PPP2R5C: variants seen among roughly 807,000 people sequenced by gnomAD.
The protein encoded by PPP2R5C is protein phosphatase 2 regulatory subunit B'gamma.
PPP2R5C carries 7 observed loss-of-function variants against 68.9 expected under a neutral mutation model. The ratio of observed to expected loss-of-function variants is 0.10; its 90% CI spans 0.06 to 0.19. The LOEUF (loss-of-function observed/expected upper bound fraction) is 0.19, where lower values mean the gene tolerates loss of function less well. Among genes scored for constraint, PPP2R5C ranks in the 10% least tolerant of loss-of-function variants. The pLI, the probability that PPP2R5C is intolerant of heterozygous loss-of-function variation, is 1.00. For missense variants in PPP2R5C, 348 were observed against 641.3 expected (o/e 0.54, Z 4.94); for synonymous variants, 210 against 222.2 (o/e 0.95, Z 0.49).
At chr14:101,775,034 C>T (rs960321350) in intron 2 of PPP2R5C, among the ~76,000 whole-genome samples, 2 of 152,140 alleles carry the variant, frequency 1.3e-5, no homozygotes, top group Non-Finnish European at 2.9e-5. Context: ...CTGTGGCTTC[C>T]CAGCCGCGGC....
At chr14:101,868,875 C>G (rs2043236361) in intron 2 of PPP2R5C, among the ~76,000 whole-genome samples, 1 of 152,112 alleles carries the variant, frequency 6.6e-6, no homozygotes. Context: ...TCTTCCGCAC[C>G]ACAGTCAGGA....
At chr14:101,857,354 TGAG>T (rs1056420844) in intron 2 of PPP2R5C, among the ~76,000 whole-genome samples, 1 of 152,178 alleles carries the variant, frequency 6.6e-6, no homozygotes, top group African/African-American at 2.4e-5. Context: ...GCTGATTGGC[TGAG>T]AAGGCCTCCA....
rs192989239 is a variant in PPP2R5C, at chr14:101,838,418, C to A, written c.95-18268C>A. On this transcript the variant is annotated intron_variant, in intron 1 of 13. Coordinates refer to ENST00000334743, the Ensembl canonical transcript of PPP2R5C. ...ATTTGTTAACTTTCTTAAATAATTT[C>A]AAAAGCATGGAAAAGTTGCAAGAAT... is the stretch of plus-strand genomic sequence containing the variant. Among the ~76,000 whole-genome samples the A allele has an allele frequency of 5.7e-3, 875 of 152,340 alleles. 5 individuals are homozygous for A. Among genetic ancestry groups the A allele is most frequent in the Non-Finnish European group, 8.7e-3 (589 of 68,026 alleles).
intron 2 of PPP2R5C, among the ~76,000 whole-genome samples, chr14:101,875,803 T>A (rs954002884): frequency 1.3e-5 from 2 of 152,242 alleles, no homozygotes; most frequent in African/African-American, 4.8e-5. Flanking sequence ...TACATTGCTC[T>A]GCGAAGTTCC....
intron 1 of PPP2R5C, among the ~76,000 whole-genome samples, chr14:101,847,975 T>G (rs1446494865): frequency 6.6e-6 from 1 of 152,128 alleles, no homozygotes. Context: ...CATGAGCCAC[T>G]GCGCCCGGCC....
intron 1 of PPP2R5C, among the ~76,000 whole-genome samples, chr14:101,814,966 G>T (rs981250050): frequency 9.9e-5 from 15 of 152,148 alleles, no homozygotes; most frequent in African/African-American, 2.9e-4. Context: ...CCAGTCCAGG[G>T]CTGTTGGCAG....
At position 101,769,567 on chromosome 14, in the gene PPP2R5C, G is replaced by A. The variant is rs554965114; in HGVS notation, c.93+6597G>A. Among the ~76,000 whole-genome samples, 10 of 152,252 alleles carry A rather than the reference G, an allele frequency of 6.6e-5. 1 individual carries two copies. Among genetic ancestry groups the A allele is most frequent in the Admixed American group, 1.3e-4 (2 of 15,292 alleles). ...GATCCAATAAGGGAACTCTAATGTA[G>A]AATTTTTATTCAGTGTAATTCATTT... On this transcript the variant is annotated intron_variant, in intron 2 of 14. Transcript: ENST00000328724.
At chr14:101,817,444 G>A (rs147491757) in intron 1 of PPP2R5C, among the ~76,000 whole-genome samples, 200 of 152,246 alleles carry the variant, frequency 1.3e-3, no homozygotes, top group Middle Eastern at 6.8e-3. Flanking sequence ...AGCCAGTGTT[G>A]GTCCTCTGGT....
At chr14:101,846,588 A>G (rs1453745452) in intron 1 of PPP2R5C, among the ~76,000 whole-genome samples, 1 of 152,222 alleles carries the variant, frequency 6.6e-6, no homozygotes, top group Non-Finnish European at 1.5e-5. Context: ...TTGTAGATAT[A>G]TAGAAGTATT....
intron 2 of PPP2R5C, among the ~76,000 whole-genome samples, chr14:101,784,658 A>G (rs1253149133): frequency 2.0e-5 from 3 of 152,192 alleles, no homozygotes. Context: ...TTACAATTTG[A>G]GATGAGATTT....
At chr14:101,911,649 A>G (rs1244295361) in intron 11 of PPP2R5C, among the ~76,000 whole-genome samples, 1 of 152,026 alleles carries the variant, frequency 6.6e-6, no homozygotes, top group Non-Finnish European at 1.5e-5. Context: ...TTGGGAGGTT[A>G]TGGCTGGTGG....
intron 11 of PPP2R5C, among the ~76,000 whole-genome samples, chr14:101,911,142 G>C (rs1412122087): frequency 6.6e-6 from 1 of 151,910 alleles, no homozygotes; most frequent in Admixed American, 6.6e-5. Flanking sequence ...GCCGGGTGTG[G>C]TGGCGGGTGC....
intron 2 of PPP2R5C, among the ~76,000 whole-genome samples, chr14:101,774,959 C>A (rs533965239): frequency 6.6e-6 from 1 of 152,302 alleles, no homozygotes; most frequent in African/African-American, 2.4e-5. Flanking sequence ...GATAAACAGA[C>A]GTGAGTGTAT....
exon 14 of PPP2R5C, chr14:101,925,541 AAGTC>A (rs973670136): frequency 7.6e-5 from 25 of 326,938 alleles, no homozygotes; most frequent in African/African-American, 2.8e-4. Flanking sequence ...CTATTTCACA[AAGTC>A]AGAGCGATAG....
At chr14:101,774,780 T>C (rs970143307) in intron 2 of PPP2R5C, among the ~76,000 whole-genome samples, 2 of 152,238 alleles carry the variant, frequency 1.3e-5, no homozygotes, top group African/African-American at 4.8e-5. Flanking sequence ...CCTGTTTTCC[T>C]TTATTTCTTC....
chr14:101,900,777 A>AT (rs1178113201), intron 8 of PPP2R5C, among the ~76,000 whole-genome samples: 1 of 152,222 alleles, frequency 6.6e-6, no homozygotes, highest in Non-Finnish European at 1.5e-5. Context: ...AACATCCACT[A>AT]TCCACAAACT....
At chr14:101,843,807 G>A (rs976980760) in intron 1 of PPP2R5C, 3 of 224,510 alleles carry the variant, frequency 1.3e-5, no homozygotes, top group Middle Eastern at 1.4e-3. Flanking sequence ...TCGCTTTCCA[G>A]ATATTCTGAA....
At chr14:101,827,626 T>C (rs901762634) in intron 1 of PPP2R5C, among the ~76,000 whole-genome samples, 2 of 152,232 alleles carry the variant, frequency 1.3e-5, no homozygotes, top group Non-Finnish European at 2.9e-5. Flanking sequence ...GATTTGGATC[T>C]TGTCAATTTT....
At chr14:101,772,511 G>A (rs1292776526) in intron 2 of PPP2R5C, among the ~76,000 whole-genome samples, 1 of 152,074 alleles carries the variant, frequency 6.6e-6, no homozygotes, top group African/African-American at 2.4e-5. Flanking sequence ...ATAAAGTAAT[G>A]CGGCTGGGTG....
Sources: allele counts gnomAD v4.1 joint callset (sites outside exome capture counted in the v4.1 genomes callset), GRCh38; gene constraint gnomAD v4.1.1; transcripts MANE v1.5; gene names NCBI Gene and HGNC (gene_info 2026-07-23, HGNC 2026-07-21).